LINGO2: variants seen among roughly 807,000 people sequenced by gnomAD.
The protein encoded by LINGO2 is leucine rich repeat and Ig domain containing 2.
In LINGO2, 14 loss-of-function variants were observed where a neutral mutation model predicts 30.6. That is an observed-to-expected ratio of 0.46 (90% CI 0.30 to 0.72). The LOEUF (loss-of-function observed/expected upper bound fraction) is 0.72, where lower values mean the gene tolerates loss of function less well. Ranked by LOEUF, LINGO2 falls within the 30% of genes least tolerant of loss-of-function variation. The probability of loss-of-function intolerance (pLI) is 0.07; values close to 1 mark genes in which losing one functional copy is unlikely to be tolerated. For missense variants in LINGO2, 729 were observed against 751.7 expected (o/e 0.97, Z 0.35); for synonymous variants, 317 against 288.5 (o/e 1.10, Z -1.00).
At chr9:28,263,946 T>A (rs1360884452) in intron 4 of LINGO2, among the ~76,000 whole-genome samples, 3 of 151,964 alleles carry the variant, frequency 2.0e-5, no homozygotes, top group Non-Finnish European at 2.9e-5. Flanking sequence ...GTAATGAATA[T>A]TACTTTTATG....
the LINGO2 span, among the ~76,000 whole-genome samples, chr9:28,806,329 T>C: frequency 2.0e-5 from 3 of 152,346 alleles, no homozygotes; most frequent in African/African-American, 7.2e-5. Flanking sequence ...AGCTGCTGCC[T>C]TCACGATCCC....
intron 4 of LINGO2, among the ~76,000 whole-genome samples, chr9:28,242,924 G>A (rs1821852841): frequency 6.6e-6 from 1 of 152,182 alleles, no homozygotes; most frequent in Non-Finnish European, 1.5e-5. Context: ...AGCAAATGCT[G>A]AGGGAATTCG....
chr9:29,185,170 T>C, the LINGO2 span, among the ~76,000 whole-genome samples: 1 of 152,064 alleles, frequency 6.6e-6, no homozygotes, highest in African/African-American at 2.4e-5. Context: ...CATTTACCTC[T>C]AGGGTAATTC....
At chr9:28,345,062 G>A (rs981277033) in intron 3 of LINGO2, among the ~76,000 whole-genome samples, 1 of 151,688 alleles carries the variant, frequency 6.6e-6, no homozygotes, top group Non-Finnish European at 1.5e-5. Flanking sequence ...TTATCTTTGT[G>A]AAGCTCGGCT....
At chr9:29,101,387 T>C in the LINGO2 span, among the ~76,000 whole-genome samples, 3 of 152,312 alleles carry the variant, frequency 2.0e-5, no homozygotes, top group East Asian at 5.8e-4. Flanking sequence ...ATCATAGACA[T>C]ACAAATTTAA....
chr9:28,503,869 C>A (rs918683386), intron 1 of LINGO2, among the ~76,000 whole-genome samples: 1 of 151,046 alleles, frequency 6.6e-6, no homozygotes. Flanking sequence ...GGAAAAAAAA[C>A]AATAAAAATA....
At chr9:28,119,897 A>G in intron 4 of LINGO2, among the ~76,000 whole-genome samples, 1 of 152,206 alleles carries the variant, frequency 6.6e-6, no homozygotes, top group Admixed American at 6.5e-5. Context: ...ATTTGAAATA[A>G]TCCCACTATA....
the LINGO2 span, among the ~76,000 whole-genome samples, chr9:28,945,651 C>G: frequency 5.3e-5 from 8 of 152,090 alleles, no homozygotes; most frequent in African/African-American, 1.9e-4. Context: ...AGGACTCAAC[C>G]TATCGTACTG....
chr9:28,907,264 G>A, the LINGO2 span, among the ~76,000 whole-genome samples: 1 of 151,936 alleles, frequency 6.6e-6, no homozygotes, highest in Non-Finnish European at 1.5e-5. Context: ...GGTCAAGGAA[G>A]ACTTTATGAA....
chr9:28,413,959 ATTT>A (rs1320882668), intron 2 of LINGO2, among the ~76,000 whole-genome samples: 1 of 151,600 alleles, frequency 6.6e-6, no homozygotes, highest in African/African-American at 2.4e-5. Flanking sequence ...TATAATTATT[ATTT>A]AATTCCCATA....
intron 4 of LINGO2, among the ~76,000 whole-genome samples, chr9:28,158,174 A>G (rs1189194703): frequency 6.6e-6 from 1 of 152,178 alleles, no homozygotes; most frequent in African/African-American, 2.4e-5. Context: ...GGTGAAAGGC[A>G]CATCTCACAT....
At chr9:28,725,042 A>C in the LINGO2 span, among the ~76,000 whole-genome samples, 1 of 152,032 alleles carries the variant, frequency 6.6e-6, no homozygotes, top group South Asian at 2.1e-4. Flanking sequence ...TAAAAATACA[A>C]GAAGAAAATA....
intron 4 of LINGO2, among the ~76,000 whole-genome samples, chr9:28,094,089 G>A (rs1826175625): frequency 6.6e-6 from 1 of 152,044 alleles, no homozygotes; most frequent in African/African-American, 2.4e-5. Context: ...ATGGCCAAAT[G>A]TTACATATAA....
intron 1 of LINGO2, among the ~76,000 whole-genome samples, chr9:28,584,776 A>C (rs1824446906): frequency 6.6e-6 from 1 of 152,104 alleles, no homozygotes; most frequent in African/African-American, 2.4e-5. Context: ...ATCAGAAAGA[A>C]AATTAAAATT....
At chr9:28,388,775 C>T (rs1032671310) in intron 2 of LINGO2, among the ~76,000 whole-genome samples, 3 of 152,106 alleles carry the variant, frequency 2.0e-5, no homozygotes, top group Admixed American at 6.6e-5. Context: ...TCTTTGATGC[C>T]TGAGTCAAAT....
At chr9:28,030,809 T>A (rs757294106) in intron 4 of LINGO2, among the ~76,000 whole-genome samples, 14 of 151,800 alleles carry the variant, frequency 9.2e-5, no homozygotes, top group Non-Finnish European at 1.8e-4. Flanking sequence ...TGGCAGGGAG[T>A]AATCCAATGA....
chr9:28,986,014 C>A, the LINGO2 span, among the ~76,000 whole-genome samples: 5 of 152,168 alleles, frequency 3.3e-5, no homozygotes, highest in Non-Finnish European at 7.4e-5. Context: ...AGTCTTTAAT[C>A]CATCTTGAGT....
chr9:28,802,161 A>G, the LINGO2 span, among the ~76,000 whole-genome samples: 5 of 152,030 alleles, frequency 3.3e-5, no homozygotes, highest in Non-Finnish European at 7.4e-5. Context: ...TATAAATTCA[A>G]AAGTTGTATG....
intron 4 of LINGO2, among the ~76,000 whole-genome samples, chr9:28,277,842 A>AAAAC (rs1564091086): frequency 4.2e-4 from 60 of 141,530 alleles, no homozygotes; most frequent in African/African-American, 1.5e-3. Context: ...CAAAACAAAA[A>AAAAC]AAAAAAACAA....
Sources: gnomAD v4.1 joint callset for allele counts (sites outside exome capture counted in the v4.1 genomes callset) on GRCh38, gnomAD v4.1.1 for gene constraint, MANE v1.5 for transcripts, NCBI Gene and HGNC (gene_info 2026-07-23, HGNC 2026-07-21) for gene names.